Variants in MGAM2 observed in about 807,000 individuals in gnomAD.
MGAM2 encodes the protein probable maltase-glucoamylase 2.
A neutral mutation model predicts 96.1 loss-of-function variants in MGAM2; 98 were observed. That is an observed-to-expected ratio of 1.02 (90% confidence interval 0.87 to 1.21). The LOEUF (loss-of-function observed/expected upper bound fraction) is 1.21, where lower values mean the gene tolerates loss of function less well. MGAM2 is among the 50% of genes most tolerant of loss of function. MGAM2 has a pLI of 0.00. For synonymous variants in MGAM2, 749 were observed against 414.8 expected (o/e 1.81, Z -9.79); for missense variants, 2,055 against 1,182.4 (o/e 1.74, Z -10.82).
At chr7:142,173,577 T>A (rs377671428) in intron 31 of MGAM2, among the ~76,000 whole-genome samples, 1 of 152,162 alleles carries the variant, frequency 6.6e-6, no homozygotes, top group Non-Finnish European at 1.5e-5. Flanking sequence ...ACCAAAGTAA[T>A]CAACGTTAAT....
chr7:142,157,681 C>T (rs1424458574), intron 17 of MGAM2, among the ~76,000 whole-genome samples: 2 of 151,928 alleles, frequency 1.3e-5, no homozygotes, highest in African/African-American at 2.4e-5. Flanking sequence ...TGAGCCATTG[C>T]GCCTGGCCGA....
chr7:142,196,914 A>G lies in MGAM2; in HGVS notation c.4632+98A>G, dbSNP rs567787461. 2.6e-5 allele frequency: 16 copies of G among 626,802 alleles called. No individual in the cohort carries two copies. In the South Asian group the frequency reaches 2.8e-4, roughly 11 times the overall value. The allele number at this position is 626,802 out of a possible 1,614,324, so 38.8% of individuals were successfully genotyped here. A position where few individuals can be genotyped will look rare whatever the true frequency, so the allele number is the denominator to read the frequency against. On this transcript the variant is annotated intron_variant, in intron 40 of 47. Transcript: ENST00000477922. ...TATACTCATTTCCTGAGAAAAATCA[A>G]AAAACATCACCAGAATCTTAATTTC...
chr7:142,186,327 T>C (rs1465738471), intron 35 of MGAM2, among the ~76,000 whole-genome samples: 1 of 152,104 alleles, frequency 6.6e-6, no homozygotes, highest in East Asian at 1.9e-4. Context: ...CTGGTGGATG[T>C]TGGAGCCCAC....
chr7:142,143,885 A>G lies in MGAM2; in HGVS notation c.1431+3A>G, dbSNP rs1274643904. The G allele has an allele frequency of 7.1e-6, 5 of 702,550 alleles. No individual in the cohort carries two copies. The highest frequency in any genetic ancestry group is 1.3e-5 in the Non-Finnish European group (5 of 384,748). The allele number at this position is 702,550 out of a possible 1,614,324, so 43.5% of individuals were successfully genotyped here. ...TGGAGTTTGATGGAGTGTGGATTGT[A>G]AGTTATTATTCCTGACTCAAATTTC... On this transcript the variant is annotated splice_donor_region_variant and intron_variant, in intron 13 of 47. Coordinates refer to ENST00000477922, the MANE Select transcript of MGAM2 (RefSeq NM_001293626.2).
chr7:142,131,352 CA>C (rs1397697987), intron 4 of MGAM2, among the ~76,000 whole-genome samples, 165 bp from the exon 5 acceptor site: 4 of 152,112 alleles, frequency 2.6e-5, no homozygotes, highest in African/African-American at 9.7e-5. Context: ...GCAGGAGAAT[CA>C]TTTGAACCTG....
rs191583770 is a variant in MGAM2, at chr7:142,134,142, C to T, written c.737C>T (p.Thr246Ile). 1.3e-6 allele frequency: 1 copy of T among 745,870 alleles called. No individual in the cohort carries two copies. Among genetic ancestry groups the T allele is most frequent in the Non-Finnish European group, 2.5e-6 (1 of 407,854 alleles). 46.2% of individuals were successfully genotyped at this position (745,870 alleles called of 1,614,324 possible). ...TGGCCCATCTTCACCCGGGACGCTA[C>T]CCCCACCGAGGTGAGGTGGCTTTCC... ...KTWPIFTRDA[T>I]PTEGMINLYG... The change falls in exon 7 of 48, where the codon ACC becomes ATC. Residue 246 changes from threonine (T) to isoleucine (I), a missense_variant. Thr to Ile is a moderately conservative substitution (Grantham distance 89). Coordinates refer to ENST00000477922, the MANE Select transcript of MGAM2 (RefSeq NM_001293626.2).
rs1308397150 is a variant in MGAM2 at position 142,155,560 on chromosome 7, T to C, written c.1923+715T>C. Among the ~76,000 whole-genome samples the C allele has an allele frequency of 3.9e-5, 6 of 152,238 alleles. No individual in the cohort carries two copies. The East Asian group carries it at 1.2e-3, about 29-fold the overall frequency. On this transcript the variant is annotated intron_variant, in intron 17 of 47. Coordinates refer to ENST00000477922, the MANE Select transcript of MGAM2 (RefSeq NM_001293626.2). ...GATAATTTTAGCTCCAATTCTTGAC[T>C]TTGTCTTTAACCCAGGAAGGATTAA... is the stretch of plus-strand genomic sequence containing the variant.
chr7:142,193,728 C>G (rs991705670), intron 37 of MGAM2, among the ~76,000 whole-genome samples: 2 of 152,154 alleles, frequency 1.3e-5, no homozygotes, highest in African/African-American at 4.8e-5. Context: ...TGCAGGTTTC[C>G]CTTCCCAGTC....
At chr7:142,166,780 C>T (rs1195190577) in intron 25 of MGAM2, among the ~76,000 whole-genome samples, 1 of 152,108 alleles carries the variant, frequency 6.6e-6, no homozygotes, top group Non-Finnish European at 1.5e-5. Flanking sequence ...TGGATGTGTT[C>T]ATTTGCTAGG....
Position 142,161,978 on chromosome 7 carries a change from A to G in MGAM2, c.2458A>G (p.Ile820Val), listed in dbSNP as rs1795902046. The change falls in exon 23 of 48, where the codon ATT becomes GTT. Residue 820 changes from isoleucine (I) to valine (V), a missense_variant. Ile to Val is a conservative substitution (Grantham distance 29). Transcript: ENST00000477922. Reference protein sequence around the residue: ...SKDAVTEKKYILYDFSVTSNH... With the variant: ...SKDAVTEKKYVLYDFSVTSNH... ...AGATGCTGTGACTGAAAAGAAGTAT[A>G]TTCTATATGATTTCTCTGTTACCTC... 2.9e-6 allele frequency: 2 copies of G among 697,306 alleles called. No homozygotes were observed. The highest frequency in any genetic ancestry group is 1.5e-5 in the South Asian group (1 of 66,142). 43.2% of individuals were successfully genotyped at this position (697,306 alleles called of 1,614,324 possible).
At chr7:142,120,092 C>T (rs1436211797) in intron 2 of MGAM2, among the ~76,000 whole-genome samples, 7 of 152,146 alleles carry the variant, frequency 4.6e-5, no homozygotes, top group Non-Finnish European at 1.0e-4. Context: ...TAGAAATAAA[C>T]GTGTTTAAAC....
At chr7:142,187,235 T>TGA (rs1196064103) in intron 35 of MGAM2, among the ~76,000 whole-genome samples, 2 of 152,246 alleles carry the variant, frequency 1.3e-5, no homozygotes, top group Non-Finnish European at 2.9e-5. Flanking sequence ...TAGCAGAAAG[T>TGA]GAGATAACTC....
chr7:142,177,333 GA>G (rs886699463), intron 32 of MGAM2, among the ~76,000 whole-genome samples: 1 of 152,132 alleles, frequency 6.6e-6, no homozygotes, highest in African/African-American at 2.4e-5. Flanking sequence ...GAAGAGCAGG[GA>G]AAGACCTGCC....
intron 17 of MGAM2, among the ~76,000 whole-genome samples, chr7:142,157,626 G>T (rs1472042116): frequency 6.6e-6 from 1 of 151,438 alleles, no homozygotes; most frequent in Non-Finnish European, 1.5e-5. Flanking sequence ...TCCTGACCTC[G>T]TGATCTGCCT....
At chr7:142,118,149 G>A (rs1817481438) in intron 2 of MGAM2, among the ~76,000 whole-genome samples, 1 of 150,648 alleles carries the variant, frequency 6.6e-6, no homozygotes, top group Non-Finnish European at 1.5e-5. Context: ...TGTTATACTG[G>A]GGATTAGCAA....
chr7:142,209,521 C>A (rs1797513856), intron 46 of MGAM2, among the ~76,000 whole-genome samples: 1 of 152,220 alleles, frequency 6.6e-6, no homozygotes, highest in Non-Finnish European at 1.5e-5. Context: ...CATTCTAGGT[C>A]AAACTGGATT....
At chr7:142,216,218 T>C (rs77085832) in intron 46 of MGAM2, among the ~76,000 whole-genome samples, 299 of 152,324 alleles carry the variant, frequency 2.0e-3, no homozygotes, top group Non-Finnish European at 3.1e-3. Flanking sequence ...AGTAGTTGGG[T>C]TGAAGACTCT....
At chr7:142,151,263 G>A (rs1795572281) in intron 15 of MGAM2, among the ~76,000 whole-genome samples, 1 of 152,166 alleles carries the variant, frequency 6.6e-6, no homozygotes, top group Non-Finnish European at 1.5e-5. Context: ...TGATGACTTC[G>A]AGGCAGAGAC....
chr7:142,214,253 A>G (rs1797678510), intron 46 of MGAM2, among the ~76,000 whole-genome samples: 1 of 152,232 alleles, frequency 6.6e-6, no homozygotes, highest in African/African-American at 2.4e-5. Flanking sequence ...GGCACAAGAC[A>G]AGGATGCCCT....
Sources: gnomAD v4.1 joint callset for allele counts (sites outside exome capture counted in the v4.1 genomes callset) on GRCh38, gnomAD v4.1.1 for gene constraint, MANE v1.5 for transcripts, NCBI Gene and HGNC (gene_info 2026-07-23, HGNC 2026-07-21) for gene names.